FBLN7: variants seen among roughly 807,000 people sequenced by gnomAD.
FBLN7 encodes the protein fibulin-7.
In FBLN7, 31 loss-of-function variants were observed where a neutral mutation model predicts 44.0. The observed-to-expected ratio is 0.70, with a 90% CI of 0.53 to 0.95. FBLN7 has a LOEUF of 0.95. Among genes scored for constraint, FBLN7 ranks in the 40% least tolerant of loss-of-function variants. The pLI is 0.00. For missense variants in FBLN7, 573 were observed against 618.5 expected (o/e 0.93, Z 0.78); for synonymous variants, 262 against 253.4 (o/e 1.03, Z -0.32).
In FBLN7 at chr2:112,175,738, C is replaced by T. The variant is rs1403579707; in HGVS notation, c.431C>T (p.Pro144Leu). 1.9e-6 allele frequency: 3 copies of T among 1,614,206 alleles called. No individual in the cohort carries two copies. The highest frequency in any genetic ancestry group is 2.7e-5 in the African/African-American group (2 of 75,046). The stretch of plus-strand genomic sequence containing the variant: ...GGTATCAGTGAATGCTCCAGCCAGC[C>T]TTGTCAAAATGGTGGTACATGTGTA... ...CRGISECSSQ[P>L]CQNGGTCVEG... The change falls in exon 4 of 8, where the codon CCT becomes CTT. Residue 144 changes from proline to leucine, a missense_variant. Coordinates refer to ENST00000331203, the MANE Select transcript of FBLN7 (RefSeq NM_153214.3).
chr2:112,201,490 T>C, the FBLN7 span, among the ~76,000 whole-genome samples: 2 of 152,238 alleles, frequency 1.3e-5, no homozygotes, highest in African/African-American at 4.8e-5. Flanking sequence ...GCACATCTTA[T>C]TTGAAAAGTC....
At chr2:112,165,228 T>A in intron 3 of FBLN7, 57 bp downstream of exon 3, 2 of 1,557,186 alleles carry the variant, frequency 1.3e-6, no homozygotes, top group Non-Finnish European at 8.7e-7. Flanking sequence ...TAGCAAGGGT[T>A]TCTTGCATAG....
intron 3 of FBLN7, among the ~76,000 whole-genome samples, chr2:112,173,367 G>A (rs933180841): frequency 1.1e-4 from 16 of 151,980 alleles, no homozygotes; most frequent in African/African-American, 3.6e-4. Flanking sequence ...CTATAACCTA[G>A]AGTATCACAA....
At chr2:112,189,406 A>C (rs1683410047), downstream of FBLN7, 1 of 152,484 alleles carries the variant, frequency 6.6e-6, no homozygotes, top group African/African-American at 2.4e-5. Flanking sequence ...ATGGCTGGGC[A>C]CTTCTTGTGG....
the FBLN7 span, among the ~76,000 whole-genome samples, chr2:112,194,843 G>T: frequency 6.6e-6 from 1 of 152,204 alleles, no homozygotes; most frequent in East Asian, 1.9e-4. Context: ...AATGATTTCT[G>T]CCTAAAATAA....
chr2:112,238,622 A>G, the FBLN7 span: 1 of 1,011,962 alleles, frequency 9.9e-7, no homozygotes, highest in Non-Finnish European at 1.4e-6. Flanking sequence ...TAAACTGGTC[A>G]TTGTTGAAGG....
the FBLN7 span, among the ~76,000 whole-genome samples, chr2:112,207,714 C>A: frequency 2.6e-5 from 4 of 152,130 alleles, no homozygotes; most frequent in Non-Finnish European, 4.4e-5. Context: ...AATGTATACA[C>A]GTTTTGGATT....
chr2:112,185,585 T>C (rs1683232097), intron 7 of FBLN7, among the ~76,000 whole-genome samples: 1 of 152,088 alleles, frequency 6.6e-6, no homozygotes. Context: ...CCCCACTACA[T>C]AGAGGTTGAT....
At chr2:112,192,080 A>C (rs868087795), downstream of FBLN7, among the ~76,000 whole-genome samples, 1 of 152,186 alleles carries the variant, frequency 6.6e-6, no homozygotes, top group Non-Finnish European at 1.5e-5. Flanking sequence ...CCATAGAACC[A>C]TATAGTATGT....
the FBLN7 span, among the ~76,000 whole-genome samples, chr2:112,239,148 C>T: frequency 3.3e-5 from 5 of 152,312 alleles, no homozygotes; most frequent in East Asian, 9.6e-4. Context: ...TGTTGTTGCA[C>T]GTGCCCAAGG....
chr2:112,169,835 C>G (rs2104582184), intron 3 of FBLN7, among the ~76,000 whole-genome samples: 1 of 152,236 alleles, frequency 6.6e-6, no homozygotes, highest in South Asian at 2.1e-4. Flanking sequence ...GGGCAAGGAG[C>G]AGTTGAGGGC....
At chr2:112,148,033 C>T (rs1003275849) in intron 1 of FBLN7, among the ~76,000 whole-genome samples, 6 of 152,008 alleles carry the variant, frequency 3.9e-5, no homozygotes, top group African/African-American at 1.4e-4. Context: ...GACTTCCCAG[C>T]GAAAATCAAG....
chr2:112,186,604 C>T (rs556517039), intron 7 of FBLN7, among the ~76,000 whole-genome samples: 10 of 152,244 alleles, frequency 6.6e-5, no homozygotes, highest in African/African-American at 2.2e-4. Flanking sequence ...CATGCCATTG[C>T]ACTCCAGCCT....
At chr2:112,160,800 GCACGCACACA>G (rs1470819530) in intron 2 of FBLN7, among the ~76,000 whole-genome samples, 52 of 117,388 alleles carry the variant, frequency 4.4e-4, no homozygotes, top group East Asian at 4.0e-3. Flanking sequence ...ACGCACACAC[GCACGCACACA>G]CACGCACACA....
At chr2:112,157,642 T>G (rs1309809014) in intron 1 of FBLN7, among the ~76,000 whole-genome samples, 1 of 152,236 alleles carries the variant, frequency 6.6e-6, no homozygotes, top group Non-Finnish European at 1.5e-5. Context: ...TTAATTTTTT[T>G]GAGGCAGGGT....
At chr2:112,196,379 T>C in the FBLN7 span, among the ~76,000 whole-genome samples, 45 of 137,272 alleles carry the variant, frequency 3.3e-4, no homozygotes, top group African/African-American at 1.1e-3. Context: ...TTCTTCTTTT[T>C]TTTTTTTTTT....
At chr2:112,145,158 C>T (rs532141135) in intron 1 of FBLN7, among the ~76,000 whole-genome samples, 2 of 152,196 alleles carry the variant, frequency 1.3e-5, no homozygotes, top group South Asian at 4.1e-4. Context: ...GCAGTGGTAT[C>T]TCATTGCGGT....
intron 2 of FBLN7, among the ~76,000 whole-genome samples, chr2:112,163,748 A>G (rs1681998628): frequency 6.6e-6 from 1 of 152,198 alleles, no homozygotes. Context: ...CCGGTCTCAC[A>G]CGGAGAACAA....
At chr2:112,186,321 G>A (rs1489434962) in intron 7 of FBLN7, among the ~76,000 whole-genome samples, 1 of 152,174 alleles carries the variant, frequency 6.6e-6, no homozygotes, top group African/African-American at 2.4e-5. Context: ...AAATGATTAA[G>A]GAAAACAGGG....
Sources: allele counts gnomAD v4.1 joint callset (sites outside exome capture counted in the v4.1 genomes callset), GRCh38; gene constraint gnomAD v4.1.1; transcripts MANE v1.5; gene names NCBI Gene and HGNC (gene_info 2026-07-23, HGNC 2026-07-21).